The following IPCEF1 variants were observed in gnomAD, a reference collection of about 807,000 sequenced individuals.
IPCEF1 encodes the protein interactor protein for cytohesin exchange factors 1.
Under a neutral mutation model 50.9 loss-of-function variants are expected in IPCEF1, and 31 were observed. The ratio of observed to expected loss-of-function variants is 0.61; its 90% CI spans 0.46 to 0.82. The LOEUF (loss-of-function observed/expected upper bound fraction) is 0.82, where lower values mean the gene tolerates loss of function less well. IPCEF1 is among the 40% of genes least tolerant of loss of function. The pLI, the probability that IPCEF1 is intolerant of heterozygous loss-of-function variation, is 0.00. For missense variants in IPCEF1, 458 were observed against 514.0 expected (o/e 0.89, Z 1.05); for synonymous variants, 181 against 192.0 (o/e 0.94, Z 0.47).
intron 5 of IPCEF1, among the ~76,000 whole-genome samples, chr6:154,235,438 G>A (rs1019339412): frequency 4.0e-5 from 6 of 151,050 alleles, no homozygotes; most frequent in Non-Finnish European, 5.9e-5. Flanking sequence ...AGGCTGAGCA[G>A]GAGAATCACT....
chr6:154,299,014 A>G (rs937959141), intron 1 of IPCEF1, among the ~76,000 whole-genome samples: 2 of 141,110 alleles, frequency 1.4e-5, no homozygotes, highest in African/African-American at 5.1e-5. Context: ...GCATACACAC[A>G]TAATCTAAGG....
At chr6:154,221,025 T>C (rs1407080108) in intron 7 of IPCEF1, among the ~76,000 whole-genome samples, 3 of 152,356 alleles carry the variant, frequency 2.0e-5, no homozygotes, top group African/African-American at 7.2e-5. Flanking sequence ...TCCACTCCTT[T>C]TTCAACTTAG....
chr6:154,230,318 G>A (rs1248719754), intron 5 of IPCEF1, among the ~76,000 whole-genome samples: 1 of 152,156 alleles, frequency 6.6e-6, no homozygotes, highest in Non-Finnish European at 1.5e-5. Flanking sequence ...ACATGAGTAT[G>A]GGCGGGGATC....
chr6:154,223,076 T>C (rs1583839377), intron 6 of IPCEF1, 94 bp downstream of exon 6: 1 of 977,406 alleles, frequency 1.0e-6, no homozygotes, highest in Middle Eastern at 2.1e-4. Flanking sequence ...CGATGTTACC[T>C]TCACTCACTT....
Position 154,168,093 on chromosome 6 carries a change from C to A in IPCEF1, c.931G>T (p.Asp311Tyr), listed in dbSNP as rs1799575737. 5 of 1,553,326 alleles carry A rather than the reference C, an allele frequency of 3.2e-6. No individual in the cohort carries two copies. Among genetic ancestry groups the A allele is most frequent in the Non-Finnish European group, 4.4e-6 (5 of 1,142,032 alleles). The change falls in exon 11 of 12, where the codon GAT (aspartate) becomes TAT (tyrosine). Residue 311 changes from aspartate (D) to tyrosine (Y), a missense_variant. Physicochemically the swap from Asp to Tyr is radical, Grantham distance 160. Coordinates refer to ENST00000367220, the MANE Select transcript of IPCEF1 (RefSeq NM_001130700.2). The surrounding 1 kb of genome is among the most constrained non-coding windows in gnomAD (Gnocchi z 4.1). The stretch of plus-strand genomic sequence containing the variant: ...TTGTACAGCTTCTCCATTTCATCAT[C>A]TTCAGACACTTTTGTCTCTTCTATT... The part of the protein sequence containing the change: ...MDKEETKVSE[D>Y]DEMEKLYKSL...
intron 1 of IPCEF1, among the ~76,000 whole-genome samples, chr6:154,303,466 T>C (rs1782850427): frequency 1.3e-5 from 2 of 152,278 alleles, no homozygotes; most frequent in South Asian, 4.1e-4. Flanking sequence ...AGAGGGTTGT[T>C]TTCTGCAAAA....
At chr6:154,224,949 A>G (rs1250592762) in intron 5 of IPCEF1, among the ~76,000 whole-genome samples, 1 of 152,200 alleles carries the variant, frequency 6.6e-6, no homozygotes, top group African/African-American at 2.4e-5. Context: ...TGTACAATGC[A>G]CAGTGCTTCC....
intron 10 of IPCEF1, among the ~76,000 whole-genome samples, chr6:154,197,117 T>C (rs1327756832): frequency 6.6e-6 from 1 of 152,238 alleles, no homozygotes; most frequent in Non-Finnish European, 1.5e-5. Flanking sequence ...AGCTCTCATT[T>C]TGAACCATGT....
Position 154,199,994 on chromosome 6 carries a change from G to A in IPCEF1, c.584C>T (p.Ser195Leu), listed in dbSNP as rs764009943. The A allele has an allele frequency of 1.2e-6, 2 of 1,614,096 alleles. No individual in the cohort carries two copies. Among genetic ancestry groups the A allele is most frequent in the Non-Finnish European group, 1.7e-6 (2 of 1,179,984 alleles). ...ATTTTCCAGGGAAGAGAAAGAATAC[G>A]ACGTTCCACTCAGGCTGGGTGAGGA... The part of the protein sequence containing the change: ...SSSSPSLSGT[S>L]YSFSSLENTV... The change falls in exon 10 of 12, where the codon TCG (serine) becomes TTG (leucine). Residue 195 changes from serine to leucine, a missense_variant. Transcript: ENST00000367220.
chr6:154,304,237 A>G (rs1355770014), intron 1 of IPCEF1, among the ~76,000 whole-genome samples: 2 of 152,078 alleles, frequency 1.3e-5, no homozygotes, highest in African/African-American at 2.4e-5. Context: ...AATTTTTTTA[A>G]TTAAAAAATA....
intron 10 of IPCEF1, among the ~76,000 whole-genome samples, chr6:154,177,804 A>C (rs546159754): frequency 6.6e-6 from 1 of 152,232 alleles, no homozygotes; most frequent in Non-Finnish European, 1.5e-5. Flanking sequence ...TATCCAAAGG[A>C]TTATAAATCA....
chr6:154,181,866 GTAA>G (rs1318612548), intron 10 of IPCEF1, among the ~76,000 whole-genome samples: 1 of 152,126 alleles, frequency 6.6e-6, no homozygotes, highest in Non-Finnish European at 1.5e-5. Context: ...AAAGCAGAAG[GTAA>G]TAATCATAAA....
intron 9 of IPCEF1, among the ~76,000 whole-genome samples, chr6:154,205,102 C>T (rs988616493): frequency 6.6e-6 from 1 of 152,194 alleles, no homozygotes; most frequent in Non-Finnish European, 1.5e-5. Flanking sequence ...GCAGTATCCT[C>T]TCCACTCCCA....
chr6:154,310,714 T>C (rs1484599197), intron 1 of IPCEF1, among the ~76,000 whole-genome samples: 1 of 152,206 alleles, frequency 6.6e-6, no homozygotes, highest in Non-Finnish European at 1.5e-5. Flanking sequence ...ATGGATGGAA[T>C]TGAAGGACAT....
At chr6:154,178,239 G>T (rs1800527027) in intron 10 of IPCEF1, among the ~76,000 whole-genome samples, 1 of 152,082 alleles carries the variant, frequency 6.6e-6, no homozygotes, top group South Asian at 2.1e-4. Context: ...GTATACCTAT[G>T]TAACAAACCT....
intron 1 of IPCEF1, among the ~76,000 whole-genome samples, chr6:154,338,038 C>T (rs180759300): frequency 5.9e-5 from 9 of 152,226 alleles, no homozygotes; most frequent in East Asian, 1.9e-4. Context: ...ACTTTAGGTC[C>T]CTTATGTAAG....
chr6:154,355,243 A>G (rs1483002161), intron 1 of IPCEF1, among the ~76,000 whole-genome samples: 1 of 152,200 alleles, frequency 6.6e-6, no homozygotes, highest in Non-Finnish European at 1.5e-5. Flanking sequence ...GCAGGAAAGA[A>G]CTTCCTATTT....
chr6:154,218,912 T>G (rs539235432), intron 7 of IPCEF1: 1 of 152,236 alleles, frequency 6.6e-6, no homozygotes, highest in East Asian at 1.9e-4. Flanking sequence ...CAAAAGAATT[T>G]CAAGTAAAAT....
rs1215161895 is a variant in IPCEF1 at position 154,168,496 on chromosome 6, CATCTT to C, written c.911-388_911-384del. Among the ~76,000 whole-genome samples, 1 of 152,148 alleles carries C rather than the reference CATCTT, an allele frequency of 6.6e-6. No homozygotes were observed. Among genetic ancestry groups the C allele is most frequent in the African/African-American group, 2.4e-5 (1 of 41,422 alleles). On this transcript the variant is annotated intron_variant, in intron 10 of 11. Transcript: ENST00000367220. The surrounding 1 kb of genome is among the most constrained non-coding windows in gnomAD (Gnocchi z 4.1). ...GGATTAGAAACCTGCCCTATTAACT[CATCTT>C]AACTAGTTAAATCTGCAACAACCCC...
Sources: allele counts gnomAD v4.1 joint callset (sites outside exome capture counted in the v4.1 genomes callset), GRCh38; gene constraint gnomAD v4.1.1; non-coding constraint Gnocchi (gnomAD v3.1); transcripts MANE v1.5; gene names NCBI Gene and HGNC (gene_info 2026-07-23, HGNC 2026-07-21).